UBE2U: variants seen among roughly 807,000 people sequenced by gnomAD.
UBE2U encodes ubiquitin-conjugating enzyme E2 U.
Under a neutral mutation model 41.2 loss-of-function variants are expected in UBE2U, and 39 were observed. That is an observed-to-expected ratio of 0.95 (90% CI 0.73 to 1.24). UBE2U has a LOEUF of 1.24. UBE2U is among the 50% of genes most tolerant of loss of function. The probability of loss-of-function intolerance (pLI) is 0.00; values close to 1 mark genes in which losing one functional copy is unlikely to be tolerated. For synonymous variants in UBE2U, 107 were observed against 117.8 expected (o/e 0.91, Z 0.60); for missense variants, 336 against 363.1 (o/e 0.93, Z 0.61).
At chr1:64,239,045 AAAGAAGAAG>A (rs552575122) in intron 7 of UBE2U, among the ~76,000 whole-genome samples, 1 of 116,178 alleles carries the variant, frequency 8.6e-6, no homozygotes, top group Non-Finnish European at 1.8e-5. Flanking sequence ...CCCATCTCAA[AAAGAAGAAG>A]AAGAAGAAGA....
intron 8 of UBE2U, among the ~76,000 whole-genome samples, chr1:64,255,788 T>G (rs1454398553): frequency 6.6e-6 from 1 of 152,050 alleles, no homozygotes; most frequent in African/African-American, 2.4e-5. Flanking sequence ...GAGAAAGAAA[T>G]AAAGGGTATT....
At chr1:64,240,717 C>T (rs974724685) in intron 7 of UBE2U, among the ~76,000 whole-genome samples, 3 of 152,050 alleles carry the variant, frequency 2.0e-5, no homozygotes, top group Non-Finnish European at 2.9e-5. Context: ...TATTTTAATA[C>T]TTTCTTCATT....
At chr1:64,241,982 C>A (rs954006950) in intron 8 of UBE2U, among the ~76,000 whole-genome samples, 6 of 152,074 alleles carry the variant, frequency 3.9e-5, no homozygotes, top group Non-Finnish European at 7.4e-5. Flanking sequence ...GTGAAGAAAT[C>A]TCGTAATATC....
chr1:64,251,926 C>A (rs1319570132), intron 8 of UBE2U, among the ~76,000 whole-genome samples: 1 of 152,188 alleles, frequency 6.6e-6, no homozygotes, highest in Non-Finnish European at 1.5e-5. Flanking sequence ...CACAGCACCT[C>A]ACAAGTTGGG....
intron 8 of UBE2U, among the ~76,000 whole-genome samples, chr1:64,243,485 A>C (rs1022916611): frequency 2.0e-5 from 3 of 152,200 alleles, no homozygotes; most frequent in Non-Finnish European, 2.9e-5. Flanking sequence ...TTGGGGATCT[A>C]TGCACATGAG....
rs531267927 is a variant in UBE2U, at chr1:64,204,121, G to A, written c.66+5G>A. ...CTCAAGGAGAACAATTATAAGGTAA[G>A]TACTGGGCACGTGGAGAGATGTGTT... On this transcript the variant is annotated splice_donor_5th_base_variant and intron_variant, in intron 1 of 9. Coordinates refer to ENST00000371077, the MANE Select transcript of UBE2U (RefSeq NM_001366232.2). 1 of 1,611,924 alleles carries A rather than the reference G, an allele frequency of 6.2e-7. No homozygotes were observed. Among genetic ancestry groups the A allele is most frequent in the South Asian group, 1.1e-5 (1 of 90,684 alleles).
At chr1:64,240,979 A>G (rs1363297077) in intron 7 of UBE2U, among the ~76,000 whole-genome samples, 2 of 152,166 alleles carry the variant, frequency 1.3e-5, no homozygotes, top group Admixed American at 1.3e-4. Flanking sequence ...ATTGGCTTGC[A>G]TTAGTGATTC....
intron 9 of UBE2U, among the ~76,000 whole-genome samples, chr1:64,266,516 G>A (rs1204126068): frequency 2.0e-5 from 3 of 152,108 alleles, no homozygotes; most frequent in East Asian, 1.9e-4. Context: ...AGCTGTCGAC[G>A]GGTTAGCACC....
chr1:64,218,002 C>T (rs1298708373), intron 5 of UBE2U, among the ~76,000 whole-genome samples: 2 of 152,132 alleles, frequency 1.3e-5, no homozygotes, highest in East Asian at 3.9e-4. Flanking sequence ...ATTGTCTCTA[C>T]AATTGAAGCA....
intron 9 of UBE2U, among the ~76,000 whole-genome samples, chr1:64,261,774 T>A (rs569933039): frequency 2.0e-5 from 3 of 152,304 alleles, no homozygotes; most frequent in East Asian, 3.9e-4. Flanking sequence ...TCTTTCAACA[T>A]CCCCACCATG....
At chr1:64,214,990 T>C (rs2100284379) in intron 5 of UBE2U, 58 bp downstream of exon 5, 3 of 1,409,886 alleles carry the variant, frequency 2.1e-6, no homozygotes, top group East Asian at 4.6e-5. Flanking sequence ...CCCAACACTT[T>C]GGGAGGCTCA....
chr1:64,263,664 G>T (rs1645212482), intron 9 of UBE2U, among the ~76,000 whole-genome samples: 1 of 152,200 alleles, frequency 6.6e-6, no homozygotes, highest in Non-Finnish European at 1.5e-5. Flanking sequence ...GAAAAGGAAA[G>T]AATTGTGTGT....
At chr1:64,233,030 T>C (rs184295991) in intron 7 of UBE2U, among the ~76,000 whole-genome samples, 2 of 151,168 alleles carry the variant, frequency 1.3e-5, no homozygotes, top group African/African-American at 4.9e-5. Context: ...TTTTTCGAGA[T>C]GGAGTCTGGC....
At chr1:64,232,745 T>G (rs1400805462) in intron 7 of UBE2U, 96 bp downstream of exon 7, 3 of 873,572 alleles carry the variant, frequency 3.4e-6, no homozygotes, top group Non-Finnish European at 5.3e-6. Context: ...ACATCTGCTA[T>G]GTAAGAGTGA....
intron 8 of UBE2U, among the ~76,000 whole-genome samples, chr1:64,256,671 T>C (rs1405106117): frequency 2.0e-5 from 3 of 151,926 alleles, no homozygotes; most frequent in Admixed American, 1.3e-4. Context: ...AAACCCTAGA[T>C]GAAAATCTAG....
rs1049209333 is a variant in UBE2U, at chr1:64,230,357, C to T, written c.507-2204C>T. ...CTACTGATGGCTGTCTATTACCCAA[C>T]AAATCAAGATCAAGATTACGGAATC... On this transcript the variant is annotated intron_variant, in intron 6 of 9. Transcript: ENST00000371077. Among the ~76,000 whole-genome samples, 4 of 152,212 alleles carry T rather than the reference C, an allele frequency of 2.6e-5. No homozygotes were observed. The East Asian group carries it at 7.7e-4, about 29-fold the overall frequency.
intron 9 of UBE2U, 112 bp from the exon 10 acceptor site, chr1:64,266,912 C>A: frequency 1.0e-6 from 1 of 954,432 alleles, no homozygotes; most frequent in Non-Finnish European, 1.5e-6. Context: ...AGGTTGCTCA[C>A]ATTCATTCAG....
chr1:64,219,306 A>G (rs1431887286), intron 5 of UBE2U, among the ~76,000 whole-genome samples: 1 of 149,726 alleles, frequency 6.7e-6, no homozygotes, highest in Non-Finnish European at 1.5e-5. Flanking sequence ...AATTTTTCAC[A>G]TGTGATTTAT....
chr1:64,212,585 A>T (rs767321582), intron 4 of UBE2U, among the ~76,000 whole-genome samples: 6 of 152,162 alleles, frequency 3.9e-5, no homozygotes, highest in Non-Finnish European at 7.3e-5. Flanking sequence ...CAAGAAAATA[A>T]CTCAATAGTT....
Sources: allele counts gnomAD v4.1 joint callset (sites outside exome capture counted in the v4.1 genomes callset), GRCh38; gene constraint gnomAD v4.1.1; transcripts MANE v1.5; gene names NCBI Gene and HGNC (gene_info 2026-07-23, HGNC 2026-07-21).